TAS2R1: variants seen among roughly 807,000 people sequenced by gnomAD.
The protein encoded by TAS2R1 is taste 2 receptor member 1.
For synonymous variants in TAS2R1, 141 were observed against 134.2 expected (o/e 1.05, Z -0.35); for missense variants, 370 against 353.4 (o/e 1.05, Z -0.38).
At chr5:9,707,348 C>T (rs1447204296) in intron 1 of TAS2R1, among the ~76,000 whole-genome samples, 2 of 152,172 alleles carry the variant, frequency 1.3e-5, no homozygotes, top group Non-Finnish European at 2.9e-5. Flanking sequence ...AGGCAGGCTA[C>T]GCCCATCCTC....
the TAS2R1 span, among the ~76,000 whole-genome samples, chr5:9,747,266 G>A: frequency 6.6e-6 from 1 of 152,140 alleles, no homozygotes; most frequent in Admixed American, 6.6e-5. Context: ...TAGGCCTGAA[G>A]GGTGTTAAAG....
At chr5:9,807,521 G>A in the TAS2R1 span, among the ~76,000 whole-genome samples, 9 of 152,052 alleles carry the variant, frequency 5.9e-5, no homozygotes, top group African/African-American at 2.2e-4. Context: ...CAATCAACTA[G>A]TAGATATAGA....
At chr5:9,885,140 G>A in the TAS2R1 span, among the ~76,000 whole-genome samples, 1 of 152,168 alleles carries the variant, frequency 6.6e-6, no homozygotes, top group African/African-American at 2.4e-5. Flanking sequence ...GCCAATACAT[G>A]AGCTGGGATT....
the TAS2R1 span, among the ~76,000 whole-genome samples, chr5:9,841,985 C>A: frequency 6.6e-6 from 1 of 152,160 alleles, no homozygotes; most frequent in Non-Finnish European, 1.5e-5. Flanking sequence ...TAATACAGTT[C>A]TTTCTTTGAC....
At position 9,680,556 on chromosome 5, in the gene TAS2R1, G is replaced by T. The variant is rs188808175; in HGVS notation, c.-241-20975C>A. On this transcript the variant is annotated intron_variant, in intron 1 of 2. Transcript: ENST00000506620. Reference sequence around the variant, plus strand: ...TTTGATAAAATGAGATTAAAAAATGGCACTTTACTTCTGTGGTCACTCTTC... The same window carrying T: ...TTTGATAAAATGAGATTAAAAAATGTCACTTTACTTCTGTGGTCACTCTTC... Among the ~76,000 whole-genome samples the T allele has an allele frequency of 4.5e-3, 680 of 152,170 alleles. 5 individuals carry two copies. The highest frequency in any genetic ancestry group is 0.016 in the African/African-American group (648 of 41,524).
At chr5:9,732,651 A>G in the TAS2R1 span, among the ~76,000 whole-genome samples, 3 of 152,224 alleles carry the variant, frequency 2.0e-5, no homozygotes, top group African/African-American at 4.8e-5. Context: ...GGATGAATAA[A>G]CAAACAAGCA....
chr5:9,642,351 A>G lies in TAS2R1; in HGVS notation c.-80-12359T>C, dbSNP rs934241272. The stretch of plus-strand genomic sequence containing the variant: ...CATGTGCATGTATTAACATTGTTGT[A>G]TATTTAATAAGATCATTCAAATAAG... On this transcript the variant is annotated intron_variant, in intron 2 of 2. Coordinates refer to the TAS2R1 transcript ENST00000506620. Among the ~76,000 whole-genome samples the G allele has an allele frequency of 5.9e-5, 9 of 152,314 alleles. No homozygotes were observed. The East Asian group carries it at 1.7e-3, about 29-fold the overall frequency.
chr5:9,631,766 T>C (rs1739877371), upstream of TAS2R1, among the ~76,000 whole-genome samples: 1 of 152,246 alleles, frequency 6.6e-6, no homozygotes, highest in South Asian at 2.1e-4. Flanking sequence ...GGAAGTCATA[T>C]TTTAAAAAAT....
chr5:9,734,731 A>G, the TAS2R1 span, among the ~76,000 whole-genome samples: 1 of 152,106 alleles, frequency 6.6e-6, no homozygotes, highest in Non-Finnish European at 1.5e-5. Flanking sequence ...AGAAACTAAG[A>G]CAACCTGGAC....
chr5:9,814,347 A>C, the TAS2R1 span, among the ~76,000 whole-genome samples: 1 of 152,144 alleles, frequency 6.6e-6, no homozygotes. Flanking sequence ...ATTTTTTCTC[A>C]CTTTAAGGAA....
At chr5:9,801,622 G>A in the TAS2R1 span, among the ~76,000 whole-genome samples, 1 of 152,202 alleles carries the variant, frequency 6.6e-6, no homozygotes, top group Non-Finnish European at 1.5e-5. Flanking sequence ...GAAGCTGGTG[G>A]TCTGGGGCAA....
chr5:9,655,917 A>G (rs994746799), intron 2 of TAS2R1, among the ~76,000 whole-genome samples: 4 of 150,798 alleles, frequency 2.7e-5, no homozygotes, highest in Non-Finnish European at 4.4e-5. Context: ...TCTCAACTCA[A>G]TGCCTGGGAA....
At chr5:9,674,089 C>T (rs894617439) in intron 1 of TAS2R1, among the ~76,000 whole-genome samples, 27 of 152,232 alleles carry the variant, frequency 1.8e-4, no homozygotes, top group Admixed American at 4.6e-4. Flanking sequence ...CATTTGGATG[C>T]CTATCTTCTC....
chr5:9,688,341 AT>A (rs1741168789), intron 1 of TAS2R1, among the ~76,000 whole-genome samples: 1 of 152,164 alleles, frequency 6.6e-6, no homozygotes, highest in Non-Finnish European at 1.5e-5. Context: ...TGGTCTTGTT[AT>A]TTATAGTGAA....
chr5:9,848,577 G>A, the TAS2R1 span, among the ~76,000 whole-genome samples: 1 of 152,130 alleles, frequency 6.6e-6, no homozygotes, highest in Admixed American at 6.6e-5. Flanking sequence ...AAATCACTAA[G>A]AGAGTAGATT....
the TAS2R1 span, among the ~76,000 whole-genome samples, chr5:9,868,978 C>T: frequency 6.6e-6 from 1 of 152,180 alleles, no homozygotes; most frequent in Admixed American, 6.5e-5. Flanking sequence ...ATATCACTAT[C>T]TGCATTTTGG....
the TAS2R1 span, among the ~76,000 whole-genome samples, chr5:9,839,676 T>C: frequency 6.6e-6 from 1 of 152,088 alleles, no homozygotes; most frequent in African/African-American, 2.4e-5. Context: ...AGGCTTAACA[T>C]GAGAGGCATT....
At chr5:9,818,741 T>C in the TAS2R1 span, among the ~76,000 whole-genome samples, 1 of 152,196 alleles carries the variant, frequency 6.6e-6, no homozygotes, top group East Asian at 1.9e-4. Flanking sequence ...CGCAAGTCCA[T>C]CCTGGACCCA....
chr5:9,740,344 T>A, the TAS2R1 span, among the ~76,000 whole-genome samples: 5 of 152,170 alleles, frequency 3.3e-5, no homozygotes, highest in African/African-American at 1.2e-4. Flanking sequence ...ACCCAGTTAA[T>A]AAGTGGTACA....
Sources: gnomAD v4.1 joint callset for allele counts (sites outside exome capture counted in the v4.1 genomes callset) on GRCh38, gnomAD v4.1.1 for gene constraint, MANE v1.5 for transcripts, NCBI Gene and HGNC (gene_info 2026-07-23, HGNC 2026-07-21) for gene names.